The following RASEF variants were observed in gnomAD, a reference collection of about 807,000 sequenced individuals.
RASEF encodes RAS and EF-hand domain containing.
A neutral mutation model predicts 90.1 loss-of-function variants in RASEF; 68 were observed. That is an observed-to-expected ratio of 0.75 (90% CI 0.62 to 0.92). RASEF has a LOEUF of 0.92. Among genes scored for constraint, RASEF ranks in the 40% least tolerant of loss-of-function variants. The probability of loss-of-function intolerance (pLI) is 0.00; values close to 1 mark genes in which losing one functional copy is unlikely to be tolerated. For synonymous variants in RASEF, 331 were observed against 345.2 expected, an observed-to-expected ratio of 0.96 and a Z score of 0.46; for missense variants, 949 against 937.2, an observed-to-expected ratio of 1.01 and a Z score of -0.16.
chr9:83,188,435 G>C, the RASEF span, among the ~76,000 whole-genome samples: 1 of 152,324 alleles, frequency 6.6e-6, no homozygotes, highest in Non-Finnish European at 1.5e-5. Context: ...GTTGGTGGAA[G>C]TGATAACACA....
chr9:83,207,598 C>CTTT, the RASEF span, among the ~76,000 whole-genome samples: 223 of 85,434 alleles, frequency 2.6e-3, 2 homozygotes, highest in East Asian at 3.1e-3. Context: ...AGGAGGGCTG[C>CTTT]TTTTTTTTTT....
At chr9:83,119,970 T>C in the RASEF span, among the ~76,000 whole-genome samples, 1 of 152,232 alleles carries the variant, frequency 6.6e-6, no homozygotes, top group Non-Finnish European at 1.5e-5. Flanking sequence ...GACAAAGTTC[T>C]TTTGAAAGAA....
chr9:83,000,517 G>C lies in RASEF; in HGVS notation c.1491C>G (p.Val497=). ...CAGACCCTTGGGGCTTCCAGTCTAA[G>C]ACGGAAGCCACATCTTCTAAACCAA... ...ETFGLEDVAS[V]LDWKPQGSVS... is the part of the protein sequence containing the mutation. Residue 497 remains valine (V), a synonymous_variant, in exon 11 of 17, where the codon GTC becomes GTG. Transcript: ENST00000376447. 6.2e-7 allele frequency: 1 copy of C among 1,613,624 alleles called. No homozygotes were observed. Among genetic ancestry groups the C allele is most frequent in the Non-Finnish European group, 8.5e-7 (1 of 1,179,654 alleles).
chr9:83,157,043 G>C, the RASEF span, among the ~76,000 whole-genome samples: 1 of 152,316 alleles, frequency 6.6e-6, no homozygotes, highest in African/African-American at 2.4e-5. Context: ...CTAGATACAG[G>C]AGATGGCTAA....
chr9:83,025,604 T>C (rs1425495391), intron 2 of RASEF, among the ~76,000 whole-genome samples, 171 bp downstream of exon 2: 1 of 152,228 alleles, frequency 6.6e-6, no homozygotes, highest in African/African-American at 2.4e-5. Flanking sequence ...GATTGATTGG[T>C]AGCTGACCTA....
At chr9:83,026,636 G>A (rs543525461) in intron 1 of RASEF, among the ~76,000 whole-genome samples, 59 of 152,166 alleles carry the variant, frequency 3.9e-4, no homozygotes, top group African/African-American at 1.2e-3. Context: ...GGGATTATGG[G>A]GATAACCATT....
At chr9:83,138,422 T>C in the RASEF span, among the ~76,000 whole-genome samples, 1 of 152,146 alleles carries the variant, frequency 6.6e-6, no homozygotes. Context: ...ATAAAAGCAA[T>C]CTTATTCTGA....
At chr9:83,147,801 C>A in the RASEF span, among the ~76,000 whole-genome samples, 1 of 151,992 alleles carries the variant, frequency 6.6e-6, no homozygotes, top group East Asian at 1.9e-4. Context: ...GGAGGTGGCT[C>A]TCAGCAGGAT....
the RASEF span, among the ~76,000 whole-genome samples, chr9:83,196,176 A>C: frequency 6.6e-6 from 1 of 152,146 alleles, no homozygotes; most frequent in African/African-American, 2.4e-5. Context: ...GAACATATTC[A>C]ATTTGAAACA....
chr9:83,083,262 A>ATC, the RASEF span, among the ~76,000 whole-genome samples: 4 of 152,164 alleles, frequency 2.6e-5, no homozygotes, highest in Non-Finnish European at 5.9e-5. Flanking sequence ...AACACACCTG[A>ATC]TCTCATCCAA....
At chr9:83,126,309 G>A in the RASEF span, among the ~76,000 whole-genome samples, 2,754 of 152,216 alleles carry the variant, frequency 0.018, 88 homozygotes, top group African/African-American at 0.063. Flanking sequence ...TTTATCATGT[G>A]AGAATGCAGC....
the RASEF span, among the ~76,000 whole-genome samples, chr9:83,115,285 TAATG>T: frequency 3.9e-5 from 6 of 152,150 alleles, no homozygotes; most frequent in African/African-American, 1.4e-4. Flanking sequence ...ATCCTAAAGT[TAATG>T]AATAAAATTT....
the RASEF span, among the ~76,000 whole-genome samples, chr9:83,136,543 C>T: frequency 2.6e-5 from 4 of 152,110 alleles, no homozygotes; most frequent in East Asian, 7.7e-4. Flanking sequence ...AAGTACAAAC[C>T]AATTTAAAGA....
chr9:83,176,975 T>C, the RASEF span, among the ~76,000 whole-genome samples: 6 of 152,134 alleles, frequency 3.9e-5, no homozygotes, highest in Admixed American at 6.5e-5. Flanking sequence ...TCATTTATTC[T>C]TACTGATTTG....
Position 83,009,708 on chromosome 9 carries a change from C to A in RASEF, c.892G>T (p.Ala298Ser). Residue 298 changes from alanine to serine, a missense_variant, in exon 6 of 17, where the codon GCC (alanine) becomes TCC (serine). Ala to Ser is a moderately conservative substitution (Grantham distance 99, BLOSUM62 1). Coordinates refer to ENST00000376447, the MANE Select transcript of RASEF (RefSeq NM_152573.4). ...GCATCTAACTCACTCTGAAGAAAGGCTATGTTTGTCTGTGCTTCTAAAAGG... is the reference window on the plus strand; with the variant it reads ...GCATCTAACTCACTCTGAAGAAAGGATATGTTTGTCTGTGCTTCTAAAAGG... The part of the protein sequence containing the change: ...KDLLEAQTNI[A>S]FLQSELDALK... 6.2e-7 allele frequency: 1 copy of A among 1,613,710 alleles called. No individual in the cohort carries two copies. Among genetic ancestry groups the A allele is most frequent in the East Asian group, 2.2e-5 (1 of 44,834 alleles).
At chr9:82,986,633 G>A (rs1015539716) in intron 16 of RASEF, among the ~76,000 whole-genome samples, 4 of 152,138 alleles carry the variant, frequency 2.6e-5, no homozygotes, top group Non-Finnish European at 5.9e-5. Flanking sequence ...GGAAAATTAG[G>A]GCTCACCAAA....
intron 9 of RASEF, among the ~76,000 whole-genome samples, chr9:83,003,154 T>C (rs1378127225): frequency 6.6e-6 from 1 of 152,208 alleles, no homozygotes; most frequent in African/African-American, 2.4e-5. Context: ...AACATGCTTT[T>C]ATTACATTTT....
chr9:83,117,994 G>A, the RASEF span, among the ~76,000 whole-genome samples: 2 of 152,148 alleles, frequency 1.3e-5, no homozygotes, highest in African/African-American at 4.8e-5. Flanking sequence ...CTGCTTGTTA[G>A]TAGATCACTT....
chr9:83,199,799 A>G, the RASEF span, among the ~76,000 whole-genome samples: 1 of 152,162 alleles, frequency 6.6e-6, no homozygotes, highest in Non-Finnish European at 1.5e-5. Flanking sequence ...AGGAGGCAGG[A>G]GAGGAGAGCA....
Sources: allele counts gnomAD v4.1 joint callset (sites outside exome capture counted in the v4.1 genomes callset), GRCh38; gene constraint gnomAD v4.1.1; transcripts MANE v1.5; gene names NCBI Gene and HGNC (gene_info 2026-07-23, HGNC 2026-07-21).